The following RBFOX3 variants were observed in gnomAD, a reference collection of about 807,000 sequenced individuals.
RBFOX3 encodes the protein RNA binding protein fox-1 homolog 3.
RBFOX3 carries 17 observed loss-of-function variants against 48.7 expected under a neutral mutation model. The ratio of observed to expected loss-of-function variants is 0.35; its 90% CI spans 0.24 to 0.52. The LOEUF (loss-of-function observed/expected upper bound fraction) is 0.52, where lower values mean the gene tolerates loss of function less well. Ranked by LOEUF, RBFOX3 falls within the 20% of genes least tolerant of loss-of-function variation. The probability of loss-of-function intolerance (pLI) is 0.94; values close to 1 mark genes in which losing one functional copy is unlikely to be tolerated. For missense variants in RBFOX3, 382 were observed against 497.5 expected (o/e 0.77, Z 2.21); for synonymous variants, 212 against 209.5 (o/e 1.01, Z -0.10).
the RBFOX3 span, among the ~76,000 whole-genome samples, chr17:79,617,272 G>A: frequency 6.6e-6 from 1 of 151,960 alleles, no homozygotes; most frequent in Non-Finnish European, 1.5e-5. Context: ...CTCTGGGGAT[G>A]GGGGGGTCTT....
At chr17:79,334,425 G>T (rs1332505974) in intron 2 of RBFOX3, among the ~76,000 whole-genome samples, 1 of 152,158 alleles carries the variant, frequency 6.6e-6, no homozygotes, top group Non-Finnish European at 1.5e-5. Context: ...TCCCTTTCTG[G>T]GTATCCACTG....
intron 2 of RBFOX3, among the ~76,000 whole-genome samples, chr17:79,442,947 G>T (rs1039151011): frequency 1.3e-5 from 2 of 152,186 alleles, no homozygotes; most frequent in East Asian, 3.8e-4. Flanking sequence ...TGACTGACTT[G>T]GCCTTAAAGA....
Position 79,254,247 on chromosome 17 carries a change from C to G in RBFOX3, c.-73-18442G>C, listed in dbSNP as rs991309635. Among the ~76,000 whole-genome samples, 1 of 152,194 alleles carries G rather than the reference C, an allele frequency of 6.6e-6. No homozygotes were observed. Among genetic ancestry groups the G allele is most frequent in the Non-Finnish European group, 1.5e-5 (1 of 68,022 alleles). ...TCTCAGATGTCCTGGCTTCAGGGAG[C>G]AGGGCCCCTGAGGTCTGGAAGAGGC... is the stretch of plus-strand genomic sequence containing the variant. On this transcript the variant is annotated intron_variant, in intron 3 of 14. Transcript: ENST00000693108. This position sits in a 1 kb window ranked among gnomAD's most constrained non-coding sequence, Gnocchi z 4.8.
rs543748135 is a variant in RBFOX3, at chr17:79,204,001, C to G, written c.-34+31765G>C. On this transcript the variant is annotated intron_variant, in intron 4 of 14. Transcript: ENST00000693108. This position sits in a 1 kb window ranked among gnomAD's most constrained non-coding sequence, Gnocchi z 4.5. ...ACTTTGCACCCCTAAATTCCCTGAA[C>G]GCTCTGGGCTGGTGGAAGTGGCCCC... Among the ~76,000 whole-genome samples the G allele has an allele frequency of 6.6e-6, 1 of 152,140 alleles. No individual in the cohort carries two copies. The highest frequency in any genetic ancestry group is 2.4e-5 in the African/African-American group (1 of 41,390).
chr17:79,368,025 A>C (rs1349265453), intron 2 of RBFOX3, among the ~76,000 whole-genome samples: 1 of 152,244 alleles, frequency 6.6e-6, no homozygotes, highest in African/African-American at 2.4e-5. Context: ...GGAGATTCTC[A>C]GCACATGGCA....
At chr17:79,133,903 G>T (rs1795955) in intron 4 of RBFOX3, among the ~76,000 whole-genome samples, 1 of 152,098 alleles carries the variant, frequency 6.6e-6, no homozygotes, top group Non-Finnish European at 1.5e-5. Flanking sequence ...CTCTCCCCCA[G>T]GGTTCCAGGG....
At position 79,473,314 on chromosome 17, in the gene RBFOX3, G is replaced by T. The variant is rs1369031823; in HGVS notation, c.-175+9140C>A. 6.6e-6 allele frequency among the ~76,000 whole-genome samples: 1 copy of T among 152,226 alleles called. No individual in the cohort carries two copies. The highest frequency in any genetic ancestry group is 1.9e-4 in the East Asian group (1 of 5,188). On this transcript the variant is annotated intron_variant, in intron 2 of 14. Transcript: ENST00000693108. The surrounding 1 kb of genome is among the most constrained non-coding windows in gnomAD (Gnocchi z 4.2). ...GCCTGTTGCTAGGGAGCTGCTGTGG[G>T]TTTGAATTCTGTATGGCCCTGGGTT...
intron 4 of RBFOX3, among the ~76,000 whole-genome samples, chr17:79,184,821 G>T (rs979161864): frequency 1.3e-5 from 2 of 152,200 alleles, no homozygotes; most frequent in Non-Finnish European, 2.9e-5. Context: ...GGCTGGCCCG[G>T]CAGTCATGTC....
intron 1 of RBFOX3, among the ~76,000 whole-genome samples, chr17:79,553,028 C>T (rs2091299966): frequency 2.0e-5 from 3 of 152,280 alleles, no homozygotes; most frequent in South Asian, 4.1e-4. Flanking sequence ...TTGGCTAATG[C>T]TTCTGCTACA....
At chr17:79,280,580 G>A (rs918957596) in intron 3 of RBFOX3, among the ~76,000 whole-genome samples, 1 of 152,168 alleles carries the variant, frequency 6.6e-6, no homozygotes, top group African/African-American at 2.4e-5. Flanking sequence ...GTGAGCTCAG[G>A]TTCCCATAAC....
chr17:79,187,963 A>C (rs989359502), intron 4 of RBFOX3, among the ~76,000 whole-genome samples: 1 of 152,278 alleles, frequency 6.6e-6, no homozygotes, highest in African/African-American at 2.4e-5. Context: ...AGAAATTCTC[A>C]CATTCCCAGA....
At chr17:79,297,374 T>A (rs1161212544) in intron 3 of RBFOX3, among the ~76,000 whole-genome samples, 2 of 152,178 alleles carry the variant, frequency 1.3e-5, no homozygotes, top group African/African-American at 2.4e-5. Context: ...GCACCAAAGC[T>A]GGGGTGCTGC....
intron 2 of RBFOX3, among the ~76,000 whole-genome samples, chr17:79,452,610 AG>A (rs2073738435): frequency 6.6e-6 from 1 of 152,138 alleles, no homozygotes; most frequent in South Asian, 2.1e-4. Flanking sequence ...TAGGGCCATC[AG>A]GGGAGAATGG....
intron 2 of RBFOX3, among the ~76,000 whole-genome samples, chr17:79,368,963 G>C (rs1388359248): frequency 6.6e-6 from 1 of 152,168 alleles, no homozygotes; most frequent in Non-Finnish European, 1.5e-5. Context: ...GCTTCACGAA[G>C]GCAGGAAAAG....
intron 1 of RBFOX3, among the ~76,000 whole-genome samples, chr17:79,511,788 T>C (rs2084268894): frequency 6.7e-6 from 1 of 149,292 alleles, no homozygotes; most frequent in African/African-American, 2.5e-5. Flanking sequence ...CATGTTACCA[T>C]CGGGTACAGC....
At chr17:79,215,912 T>G (rs1195193753) in intron 4 of RBFOX3, among the ~76,000 whole-genome samples, 1 of 152,234 alleles carries the variant, frequency 6.6e-6, no homozygotes, top group African/African-American at 2.4e-5. Flanking sequence ...GTGCAGGCAT[T>G]TGGACGTCGT....
chr17:79,098,740 G>A, intron 9 of RBFOX3: 1 of 152,482 alleles, frequency 6.6e-6, no homozygotes, highest in Non-Finnish European at 1.5e-5. Context: ...TCTTGACGAG[G>A]CCCAGCCCCT....
chr17:79,449,972 G>A (rs1555740559), intron 2 of RBFOX3, among the ~76,000 whole-genome samples: 3 of 152,196 alleles, frequency 2.0e-5, no homozygotes, highest in Admixed American at 1.3e-4. Flanking sequence ...TCCCACTAGG[G>A]GGGAAGATGT....
chr17:79,365,629 C>A (rs2057630122), intron 2 of RBFOX3, among the ~76,000 whole-genome samples: 1 of 152,232 alleles, frequency 6.6e-6, no homozygotes, highest in African/African-American at 2.4e-5. Flanking sequence ...ATATGTTTCC[C>A]ATACATGAAT....
Sources: allele counts gnomAD v4.1 joint callset (sites outside exome capture counted in the v4.1 genomes callset), GRCh38; gene constraint gnomAD v4.1.1; non-coding constraint Gnocchi (gnomAD v3.1); transcripts MANE v1.5; gene names NCBI Gene and HGNC (gene_info 2026-07-23, HGNC 2026-07-21).